Variants in CIZ1 observed in about 807,000 individuals in gnomAD.
CIZ1 encodes CDKN1A interacting zinc finger protein 1, also known as cip1-interacting zinc finger protein.
A neutral mutation model predicts 118.6 loss-of-function variants in CIZ1; 58 were observed. That is an observed-to-expected ratio of 0.49 (90% CI 0.40 to 0.61). CIZ1 has a LOEUF of 0.61. Among genes scored for constraint, CIZ1 ranks in the 20% least tolerant of loss-of-function variants. The pLI, the probability that CIZ1 is intolerant of heterozygous loss-of-function variation, is 0.00. For missense variants in CIZ1, 921 were observed against 1,115.9 expected (o/e 0.83, Z 2.49); for synonymous variants, 448 against 443.4 (o/e 1.01, Z -0.13).
upstream of CIZ1, chr9:128,191,831 ACTTC>A (rs781409037): frequency 3.4e-6 from 5 of 1,456,076 alleles, no homozygotes; most frequent in South Asian, 1.3e-5. The surrounding 1 kb of genome is among the most constrained non-coding windows in gnomAD (Gnocchi z 5.5). Context: ...ATCGAGGGGG[ACTTC>A]CTTCCTGTTC....
At chr9:128,174,416 G>A (rs1435873056) in intron 11 of CIZ1, among the ~76,000 whole-genome samples, 2 of 152,228 alleles carry the variant, frequency 1.3e-5, no homozygotes, top group Non-Finnish European at 2.9e-5. Context: ...GCCCACTGTA[G>A]TGAGAGATGG....
At chr9:128,168,207 G>A (rs1344003458) in intron 14 of CIZ1, among the ~76,000 whole-genome samples, 2 of 152,180 alleles carry the variant, frequency 1.3e-5, no homozygotes, top group Admixed American at 6.5e-5. Context: ...CACACTCTCT[G>A]GAAACGTGTT....
intron 5 of CIZ1, among the ~76,000 whole-genome samples, chr9:128,185,201 C>G (rs905646929): frequency 6.6e-6 from 1 of 152,096 alleles, no homozygotes; most frequent in African/African-American, 2.4e-5. Flanking sequence ...TCGCTTGAAC[C>G]TGGGAGACGG....
intron 9 of CIZ1, 41 bp downstream of exon 9, chr9:128,178,328 C>T: frequency 6.3e-6 from 10 of 1,592,608 alleles, no homozygotes; most frequent in Non-Finnish European, 8.5e-6. Flanking sequence ...CCCTGCTGGG[C>T]TCTGTGGCCC....
intron 5 of CIZ1, among the ~76,000 whole-genome samples, chr9:128,182,528 C>T (rs964246025): frequency 1.3e-5 from 2 of 152,168 alleles, no homozygotes; most frequent in Non-Finnish European, 2.9e-5. Context: ...CCCTGGTGCA[C>T]GCCTTACGCC....
chr9:128,191,971 C>T (rs138650681), upstream of CIZ1: 24 of 1,344,534 alleles, frequency 1.8e-5, no homozygotes, highest in Middle Eastern at 5.8e-4. This position sits in a 1 kb window ranked among gnomAD's most constrained non-coding sequence, Gnocchi z 5.5. Flanking sequence ...GGCGAGAGGG[C>T]GGCCAAGGTC....
chr9:128,180,588 G>T, intron 6 of CIZ1, 65 bp from the exon 7 acceptor site: 1 of 1,474,712 alleles, frequency 6.8e-7, no homozygotes, highest in Non-Finnish European at 9.5e-7. Context: ...ACCTCCAAGA[G>T]ATGGGGCCTG....
intron 5 of CIZ1, among the ~76,000 whole-genome samples, chr9:128,184,860 G>A (rs1452346828): frequency 6.6e-6 from 1 of 151,912 alleles, no homozygotes; most frequent in Non-Finnish European, 1.5e-5. Flanking sequence ...GTAGAGAAGG[G>A]GGTTTTGCCA....
chr9:128,197,223 A>G (rs1393057373), intron 1 of CIZ1: 1 of 152,230 alleles, frequency 6.6e-6, no homozygotes, highest in Non-Finnish European at 1.5e-5. Flanking sequence ...TGAATGAATG[A>G]ATGGATTGCT....
chr9:128,177,697 T>TAAAGGCCGGGACA lies in CIZ1; in HGVS notation c.1686_1687insTGTCCCGGCCTTT (p.Thr563CysfsTer16). On this transcript the variant is annotated frameshift_variant, in exon 10 of 17. Transcript: ENST00000372938. LOFTEE classifies it high-confidence loss of function. ...CGGGGGACAGGTGTCAGGGGTACAG[T>TAAAGGCCGGGACA]GCTAAAGGCCCGGCTGTCACTGCTC... The TAAAGGCCGGGACA allele has an allele frequency of 6.2e-6, 10 of 1,607,316 alleles. No individual in the cohort carries two copies. The highest frequency in any genetic ancestry group is 7.6e-6 in the Non-Finnish European group (9 of 1,177,054).
At chr9:128,168,961 C>T (rs1829784962) in intron 14 of CIZ1, 91 bp downstream of exon 14, 4 of 1,574,202 alleles carry the variant, frequency 2.5e-6, no homozygotes, top group East Asian at 2.2e-5. Flanking sequence ...CAGATGCCAG[C>T]CCAGTGTCTG....
chr9:128,166,674 G>T lies in CIZ1; in HGVS notation c.2487+85C>A. The T allele has an allele frequency of 6.5e-7, 1 of 1,541,260 alleles. No homozygotes were observed. Among genetic ancestry groups the T allele is most frequent in the Non-Finnish European group, 8.9e-7 (1 of 1,117,428 alleles). On this transcript the variant is annotated intron_variant, in intron 16 of 16. Transcript: ENST00000372938. The surrounding 1 kb of genome is among the most constrained non-coding windows in gnomAD (Gnocchi z 4.4). ...CTGGGGATTGAGGCCCTGCACAAGA[G>T]GGAGTGGCCACTAGCCACCCGAATC... is the stretch of plus-strand genomic sequence containing the variant.
At chr9:128,198,971 T>C (rs1200789866) in intron 1 of CIZ1, among the ~76,000 whole-genome samples, 1 of 152,104 alleles carries the variant, frequency 6.6e-6, no homozygotes, top group Non-Finnish European at 1.5e-5. Flanking sequence ...CTGACAACCG[T>C]CTACATCTTG....
chr9:128,190,833 G>A lies in CIZ1; in HGVS notation c.25C>T (p.Gln9Ter). Reference protein sequence around the residue: MFSQQQQQQLQQQQQQLQQ... With the variant: MFSQQQQQ ...AGCTGCTGCTGCTGTTGCTGGAGCT[G>A]CTGCTGCTGCTGCTGGCTGAACATG... The change falls in exon 2 of 17, where the codon CAG becomes TAG. Residue 9 changes from glutamine (Q) to a stop codon, truncating the protein, a stop_gained. Transcript: ENST00000372938. LOFTEE classifies it high-confidence loss of function. The A allele has an allele frequency of 6.5e-7, 1 of 1,538,356 alleles. No individual in the cohort carries two copies. The highest frequency in any genetic ancestry group is 1.2e-5 in the South Asian group (1 of 83,664).
chr9:128,173,315 T>C (rs1049834711), intron 11 of CIZ1, among the ~76,000 whole-genome samples: 2 of 151,954 alleles, frequency 1.3e-5, no homozygotes, highest in Non-Finnish European at 2.9e-5. Context: ...CGGCTAATTT[T>C]TTGTATTTTT....
intron 14 of CIZ1, chr9:128,167,593 G>A: frequency 5.6e-6 from 1 of 179,084 alleles, no homozygotes; most frequent in Non-Finnish European, 1.2e-5. Context: ...AACCCTGTAG[G>A]TCTAAGCCGT....
At chr9:128,190,939 C>G (rs1833058995) in intron 1 of CIZ1, 77 bp from the exon 2 acceptor site, 10 of 1,467,810 alleles carry the variant, frequency 6.8e-6, no homozygotes, top group Non-Finnish European at 9.0e-6. Flanking sequence ...CACCGCCACT[C>G]CCCGCAGCCA....
chr9:128,179,205 G>A lies in CIZ1; in HGVS notation c.1002C>T (p.Asp334=), dbSNP rs1269899391. ...TCTGCAGCTTTGGCTGCACCTGGGT[G>A]TCTGTGGATGGTATCCGCGGCTGAG... ...SQTQPRIPST[D]TQVQPKLQKQ... is the part of the protein sequence containing the mutation. The change falls in exon 8 of 17, where the codon GAC becomes GAT. Residue 334 remains aspartate (D), a synonymous_variant. Transcript: ENST00000372938. 6 of 1,614,092 alleles carry A rather than the reference G, an allele frequency of 3.7e-6. No individual in the cohort carries two copies. The highest frequency in any genetic ancestry group is 5.1e-6 in the Non-Finnish European group (6 of 1,179,992).
At chr9:128,193,505 G>A (rs1227847833), upstream of CIZ1, among the ~76,000 whole-genome samples, 3 of 152,042 alleles carry the variant, frequency 2.0e-5, no homozygotes, top group Non-Finnish European at 4.4e-5. Flanking sequence ...AAGGTCAGGA[G>A]TTCGACACCA....
Sources: allele counts gnomAD v4.1 joint callset (sites outside exome capture counted in the v4.1 genomes callset), GRCh38; gene constraint gnomAD v4.1.1; non-coding constraint Gnocchi (gnomAD v3.1); transcripts MANE v1.5; gene names NCBI Gene and HGNC (gene_info 2026-07-23, HGNC 2026-07-21).